The following PCDHA6 variants were observed in gnomAD, a reference collection of about 807,000 sequenced individuals.
PCDHA6 encodes protocadherin alpha-6.
PCDHA6 carries 55 observed loss-of-function variants against 60.3 expected under a neutral mutation model. That is an observed-to-expected ratio of 0.91 (90% CI 0.73 to 1.14). PCDHA6 has a LOEUF of 1.14. Ranked by LOEUF, PCDHA6 falls within the 50% of genes most tolerant of loss-of-function variation. The pLI is 0.00. For missense variants in PCDHA6, 1,327 were observed against 1,256.5 expected, an observed-to-expected ratio of 1.06 and a Z score of -0.85; for synonymous variants, 652 against 557.9, an observed-to-expected ratio of 1.17 and a Z score of -2.38.
chr5:140,884,440 G>C (rs1554181563), intron 1 of PCDHA6: 5 of 1,613,830 alleles, frequency 3.1e-6, no homozygotes, highest in Non-Finnish European at 2.5e-6. Context: ...TGCGGTGCTC[G>C]GCACCGCCCA....
intron 1 of PCDHA6, chr5:140,860,673 C>A (rs955931174): frequency 1.2e-4 from 18 of 152,210 alleles, no homozygotes; most frequent in African/African-American, 4.3e-4. Context: ...AAATCAAATG[C>A]ACTTATGTTT....
At chr5:140,928,434 CTT>C (rs1554205890) in intron 1 of PCDHA6, 1 of 1,614,172 alleles carries the variant, frequency 6.2e-7, no homozygotes, top group South Asian at 1.1e-5. Flanking sequence ...CTTCCTTTGA[CTT>C]TGAGCAGCTC....
chr5:140,923,200 G>C (rs2081224774), intron 1 of PCDHA6, among the ~76,000 whole-genome samples: 1 of 152,166 alleles, frequency 6.6e-6, no homozygotes, highest in Admixed American at 6.5e-5. Flanking sequence ...AGCAATTTGG[G>C]AGGCTAAGGT....
intron 1 of PCDHA6, among the ~76,000 whole-genome samples, chr5:140,932,490 A>G (rs1330943965): frequency 6.6e-6 from 1 of 151,852 alleles, no homozygotes; most frequent in South Asian, 2.1e-4. Context: ...CCTCTTTGCA[A>G]TGTCATTTGT....
rs576672267 is a variant in PCDHA6 at position 140,878,151 on chromosome 5, T to G, written c.2394+47666T>G. 31 of 178,298 alleles carry G rather than the reference T, an allele frequency of 1.7e-4. No individual in the cohort carries two copies. The Middle Eastern group carries it at 7.4e-3, about 42-fold the overall frequency. The allele number at this position is 178,298 out of a possible 1,614,324, so 11.0% of individuals were successfully genotyped here. On this transcript the variant is annotated intron_variant, in intron 1 of 3. Coordinates refer to ENST00000529310, the MANE Select transcript of PCDHA6 (RefSeq NM_018909.4). Reference sequence around the variant, plus strand: ...AAAAGTGGCCAGATGTTTGATAACTTAAAAATTTAATTTGTTCATAATTTC... The same window carrying G: ...AAAAGTGGCCAGATGTTTGATAACTGAAAAATTTAATTTGTTCATAATTTC...
At chr5:140,975,562 A>T (rs1445534188) in intron 1 of PCDHA6, among the ~76,000 whole-genome samples, 2 of 152,206 alleles carry the variant, frequency 1.3e-5, no homozygotes, top group African/African-American at 4.8e-5. Flanking sequence ...GGAAAAGGAG[A>T]TATTATATGC....
chr5:140,870,954 G>A, intron 1 of PCDHA6: 1 of 1,613,632 alleles, frequency 6.2e-7, no homozygotes, highest in Non-Finnish European at 8.5e-7. Flanking sequence ...CGGGCGGCTC[G>A]CGCATCCCGT....
rs200360846 is a variant in PCDHA6, at chr5:140,842,668, C to T, written c.2394+12183C>T. On this transcript the variant is annotated intron_variant, in intron 1 of 3. Transcript: ENST00000529310. ...TGTCTGTGGAGGTGGCCGACGTGAA[C>T]GACAATGCTCCGGCGTTCGCGCAGC... 2.5e-4 allele frequency: 393 copies of T among 1,595,370 alleles called. 33 individuals carry two copies. Among genetic ancestry groups the T allele is most frequent in the South Asian group, 1.5e-4 (14 of 90,464 alleles).
At position 140,850,250 on chromosome 5, in the gene PCDHA6, G is replaced by C; in HGVS notation, c.2394+19765G>C. Reference sequence around the variant, plus strand: ...TGAGCGAGATGGTGCTGCGGTCGGTGGGCGCCGGCGTAGTGGTGGGGAAGG... The same window carrying C: ...TGAGCGAGATGGTGCTGCGGTCGGTCGGCGCCGGCGTAGTGGTGGGGAAGG... On this transcript the variant is annotated intron_variant, in intron 1 of 3. Transcript: ENST00000529310. The C allele has an allele frequency of 1.9e-6, 3 of 1,594,024 alleles. 1 individual carries two copies. Among genetic ancestry groups the C allele is most frequent in the Non-Finnish European group, 2.6e-6 (3 of 1,167,182 alleles).
intron 1 of PCDHA6, chr5:140,927,000 A>G (rs1554203899): frequency 1.2e-6 from 2 of 1,612,352 alleles, no homozygotes; most frequent in Non-Finnish European, 1.7e-6. Flanking sequence ...GCGTAGCCGT[A>G]GGCAATCTCT....
chr5:140,841,315 A>G, intron 1 of PCDHA6: 2 of 1,599,632 alleles, frequency 1.3e-6, no homozygotes, highest in South Asian at 1.1e-5. Flanking sequence ...GGAAACGACT[A>G]TTTAACATGG....
chr5:140,937,069 G>A (rs1385358225), intron 1 of PCDHA6, among the ~76,000 whole-genome samples: 3 of 138,378 alleles, frequency 2.2e-5, no homozygotes, highest in South Asian at 2.2e-4. Context: ...ACGGAGTCTC[G>A]CTCTGTCGCC....
chr5:140,928,731 C>T, intron 1 of PCDHA6: 2 of 1,614,164 alleles, frequency 1.2e-6, no homozygotes, highest in Non-Finnish European at 1.7e-6. Context: ...GAATTTCAGC[C>T]AATATAGGTG....
At chr5:140,860,165 G>T (rs1045558132) in intron 1 of PCDHA6, 2 of 147,750 alleles carry the variant, frequency 1.4e-5, no homozygotes, top group Admixed American at 1.4e-4. Flanking sequence ...ATATATATAT[G>T]TATATATATA....
Position 140,828,388 on chromosome 5 carries a change from C to A in PCDHA6, c.297C>A (p.Ser99Arg). The change falls in exon 1 of 4, where the codon AGC becomes AGA. Residue 99 changes from serine (S) to arginine (R), a missense_variant. By Grantham distance (110) the Ser-to-Arg change is moderately radical. Coordinates refer to ENST00000529310, the MANE Select transcript of PCDHA6 (RefSeq NM_018909.4). Reference protein sequence around the residue: ...RIDREELCGRSAECSIHLEVI... With the variant: ...RIDREELCGRRAECSIHLEVI... ...ACCGCGAGGAGCTGTGCGGGCGGAGCGCGGAGTGCAGCATCCACCTGGAGG... is the reference window on the plus strand; with the variant it reads ...ACCGCGAGGAGCTGTGCGGGCGGAGAGCGGAGTGCAGCATCCACCTGGAGG... 6.2e-7 allele frequency: 1 copy of A among 1,614,274 alleles called. No homozygotes were observed. Among genetic ancestry groups the A allele is most frequent in the Non-Finnish European group, 8.5e-7 (1 of 1,180,052 alleles).
intron 1 of PCDHA6, among the ~76,000 whole-genome samples, chr5:140,914,110 A>G (rs889499995): frequency 6.6e-6 from 1 of 152,168 alleles, no homozygotes; most frequent in Non-Finnish European, 1.5e-5. Flanking sequence ...GTGCAGATTA[A>G]GTCTGATGTT....
At chr5:140,941,666 C>G (rs1029878263) in intron 1 of PCDHA6, among the ~76,000 whole-genome samples, 4 of 152,004 alleles carry the variant, frequency 2.6e-5, no homozygotes, top group Non-Finnish European at 4.4e-5. Context: ...AATTTTATGT[C>G]AAGTTCAATA....
intron 1 of PCDHA6, among the ~76,000 whole-genome samples, chr5:140,906,171 C>T (rs2072420841): frequency 6.6e-6 from 1 of 152,178 alleles, no homozygotes; most frequent in Non-Finnish European, 1.5e-5. Flanking sequence ...AGGAACAATA[C>T]TTTGCATCCT....
chr5:141,005,737 G>A (rs568489145), intron 3 of PCDHA6, among the ~76,000 whole-genome samples: 173 of 143,620 alleles, frequency 1.2e-3, no homozygotes, highest in African/African-American at 4.5e-3. Flanking sequence ...AAAAAGAATG[G>A]ATGAGAAATC....
Sources: gnomAD v4.1 joint callset for allele counts (sites outside exome capture counted in the v4.1 genomes callset) on GRCh38, gnomAD v4.1.1 for gene constraint, MANE v1.5 for transcripts, NCBI Gene and HGNC (gene_info 2026-07-23, HGNC 2026-07-21) for gene names.